The following PRKG1 variants were observed in gnomAD, a reference collection of about 807,000 sequenced individuals.
The protein encoded by PRKG1 is protein kinase cGMP-dependent 1, also known as cGMP-dependent protein kinase 1.
Under a neutral mutation model 88.1 loss-of-function variants are expected in PRKG1, and 35 were observed. The observed-to-expected ratio is 0.40, with a 90% CI of 0.30 to 0.53. The LOEUF (loss-of-function observed/expected upper bound fraction) is 0.53. Ranked by LOEUF, PRKG1 falls within the 20% of genes least tolerant of loss-of-function variation. PRKG1 has a pLI of 0.59. For missense variants in PRKG1, 540 were observed against 839.8 expected, an observed-to-expected ratio of 0.64 and a Z score of 4.41; for synonymous variants, 303 against 292.5, an observed-to-expected ratio of 1.04 and a Z score of -0.37.
intron 5 of PRKG1, among the ~76,000 whole-genome samples, chr10:51,967,736 A>G (rs543768573): frequency 8.5e-5 from 13 of 152,232 alleles, no homozygotes. Flanking sequence ...GCCGTTCCTC[A>G]GAAAGTTTCC....
chr10:52,004,589 C>T (rs1844683338), intron 5 of PRKG1, among the ~76,000 whole-genome samples: 1 of 152,032 alleles, frequency 6.6e-6, no homozygotes, highest in Admixed American at 6.6e-5. Flanking sequence ...ATTTAATTTT[C>T]CTTAAAAATG....
intron 3 of PRKG1, among the ~76,000 whole-genome samples, chr10:51,776,658 C>T (rs779293620): frequency 1.3e-5 from 2 of 152,010 alleles, no homozygotes; most frequent in Non-Finnish European, 2.9e-5. Context: ...AACCCCGTCA[C>T]TACTATAAAT....
At chr10:51,119,138 G>T (rs1286786962) in intron 1 of PRKG1, among the ~76,000 whole-genome samples, 1 of 152,018 alleles carries the variant, frequency 6.6e-6, no homozygotes, top group African/African-American at 2.4e-5. Context: ...ATGTTCACTT[G>T]CTAAATTCAT....
chr10:51,558,178 ATTAGT>A (rs1040334109), intron 3 of PRKG1, among the ~76,000 whole-genome samples: 1 of 152,068 alleles, frequency 6.6e-6, no homozygotes, highest in African/African-American at 2.4e-5. Context: ...TAAGTGTGAC[ATTAGT>A]TTAGTCATTT....
At chr10:51,538,682 AC>A (rs1334271801) in intron 3 of PRKG1, among the ~76,000 whole-genome samples, 32 of 151,282 alleles carry the variant, frequency 2.1e-4, no homozygotes, top group African/African-American at 7.7e-4. Context: ...AAAAAAAAAA[AC>A]AAATCCCTTT....
chr10:51,941,684 A>G (rs1477853463), intron 5 of PRKG1, among the ~76,000 whole-genome samples: 3 of 144,588 alleles, frequency 2.1e-5, no homozygotes, highest in East Asian at 2.0e-4. Flanking sequence ...ATTCCCACCT[A>G]TGAATAAGAA....
chr10:51,701,180 G>T (rs1267941619), intron 3 of PRKG1, among the ~76,000 whole-genome samples: 1 of 152,078 alleles, frequency 6.6e-6, no homozygotes. Flanking sequence ...TATATGGATA[G>T]ATTGCATTAT....
chr10:52,288,617 C>T, intron 14 of PRKG1, 109 bp from the exon 15 acceptor site: 1 of 1,223,810 alleles, frequency 8.2e-7, no homozygotes, highest in Non-Finnish European at 1.1e-6. Flanking sequence ...CACTATTAAT[C>T]TAAGCCCCCA....
At chr10:51,204,574 C>T (rs1010160115) in intron 2 of PRKG1, among the ~76,000 whole-genome samples, 7 of 152,182 alleles carry the variant, frequency 4.6e-5, no homozygotes, top group Admixed American at 3.9e-4. Context: ...ACCCTGCTGC[C>T]GGTAGACTAG....
At chr10:52,274,105 G>A (rs189462675) in intron 12 of PRKG1, among the ~76,000 whole-genome samples, 1 of 151,932 alleles carries the variant, frequency 6.6e-6, no homozygotes, top group Non-Finnish European at 1.5e-5. Context: ...GGAGAGCCCA[G>A]CTATCCCTCT....
chr10:52,251,779 A>G, intron 10 of PRKG1, 113 bp downstream of exon 10: 1 of 891,676 alleles, frequency 1.1e-6, no homozygotes, highest in Non-Finnish European at 1.7e-6. Flanking sequence ...ATTAATTACC[A>G]TGATTCCTAA....
intron 2 of PRKG1, among the ~76,000 whole-genome samples, chr10:51,338,440 G>A (rs181094045): frequency 6.6e-6 from 1 of 152,008 alleles, no homozygotes; most frequent in Admixed American, 6.6e-5. Context: ...AGAAAAATAA[G>A]GGTTTCTAGG....
intron 7 of PRKG1, chr10:52,128,593 T>G (rs1021562981): frequency 1.0e-6 from 1 of 983,824 alleles, no homozygotes; most frequent in African/African-American, 1.7e-5. Flanking sequence ...TTTTTCATGC[T>G]CTATTGTTTC....
chr10:52,291,005 C>T (rs1453615227), intron 17 of PRKG1, among the ~76,000 whole-genome samples: 3 of 150,248 alleles, frequency 2.0e-5, no homozygotes, highest in African/African-American at 7.4e-5. Context: ...TTACTGCAAC[C>T]CCTGCATCCC....
intron 4 of PRKG1, among the ~76,000 whole-genome samples, chr10:51,895,184 T>G (rs1289436048): frequency 6.6e-6 from 1 of 152,174 alleles, no homozygotes; most frequent in Non-Finnish European, 1.5e-5. Context: ...GGCATAAAGC[T>G]TAAGGCTTAC....
chr10:51,093,863 C>T (rs1034572171), intron 1 of PRKG1, among the ~76,000 whole-genome samples: 38 of 149,962 alleles, frequency 2.5e-4, no homozygotes, highest in Non-Finnish European at 4.9e-4. Context: ...TACTACCTCC[C>T]TTCTCTGAAC....
Position 51,505,035 on chromosome 10 carries a change from T to G in PRKG1, c.592+37199T>G, listed in dbSNP as rs183396377. ...TGAATAGGAGTGGTGAGAGAGGACATCTCTGTCTTGTGCCCGTTTTCAAAG... is the reference window on the plus strand; with the variant it reads ...TGAATAGGAGTGGTGAGAGAGGACAGCTCTGTCTTGTGCCCGTTTTCAAAG... On this transcript the variant is annotated intron_variant, in intron 3 of 17. Transcript: ENST00000373980. Among the ~76,000 whole-genome samples the G allele has an allele frequency of 2.0e-5, 3 of 151,676 alleles. 1 individual carries two copies. The highest frequency in any genetic ancestry group is 3.9e-4 in the East Asian group (2 of 5,190).
At chr10:51,851,073 G>A (rs1937702) in intron 4 of PRKG1, among the ~76,000 whole-genome samples, 45,784 of 151,952 alleles carry the variant, frequency 0.3, 9,969 homozygotes, top group African/African-American at 0.62. Context: ...GGACAACCCA[G>A]AAATACATCA....
At chr10:51,730,572 A>G (rs1842248275) in intron 3 of PRKG1, among the ~76,000 whole-genome samples, 1 of 152,162 alleles carries the variant, frequency 6.6e-6, no homozygotes, top group South Asian at 2.1e-4. Context: ...TATTGCAATA[A>G]ATTAAACTAG....
Sources: gnomAD v4.1 joint callset for allele counts (sites outside exome capture counted in the v4.1 genomes callset) on GRCh38, gnomAD v4.1.1 for gene constraint, MANE v1.5 for transcripts, NCBI Gene and HGNC (gene_info 2026-07-23, HGNC 2026-07-21) for gene names.